ACVR1: variants seen among roughly 807,000 people sequenced by gnomAD.
ACVR1 encodes the protein activin A receptor type 1, also known as activin receptor type-1.
In ACVR1, 38 loss-of-function variants were observed where a neutral mutation model predicts 57.1. The ratio of observed to expected loss-of-function variants is 0.67; its 90% confidence interval spans 0.51 to 0.87. ACVR1 has a LOEUF of 0.87. Among genes scored for constraint, ACVR1 ranks in the 40% least tolerant of loss-of-function variants. The pLI, the probability that ACVR1 is intolerant of heterozygous loss-of-function variation, is 0.00. For missense variants in ACVR1, 463 were observed against 638.2 expected (o/e 0.73, Z 2.96); for synonymous variants, 212 against 228.1 (o/e 0.93, Z 0.63).
intron 3 of ACVR1, among the ~76,000 whole-genome samples, chr2:157,792,875 A>G (rs1686972190): frequency 1.3e-5 from 2 of 152,132 alleles, no homozygotes; most frequent in African/African-American, 2.4e-5. Context: ...TTTGAAAGCC[A>G]CCTCGCCTGT....
intron 2 of ACVR1, among the ~76,000 whole-genome samples, chr2:157,807,576 T>A (rs1047507912): frequency 2.0e-5 from 3 of 152,066 alleles, no homozygotes; most frequent in East Asian, 1.9e-4. Flanking sequence ...TTTTTTTTTT[T>A]ACCTATTGGT....
At chr2:157,842,821 T>G (rs1158072731) in intron 1 of ACVR1, among the ~76,000 whole-genome samples, 5 of 152,212 alleles carry the variant, frequency 3.3e-5, no homozygotes, top group African/African-American at 1.2e-4. Context: ...ATATTAACTC[T>G]GGGCAGGGGA....
chr2:157,865,648 C>T (rs1479706199), intron 1 of ACVR1, among the ~76,000 whole-genome samples: 8 of 151,608 alleles, frequency 5.3e-5, no homozygotes, highest in African/African-American at 1.9e-4. Context: ...AAAAATTAGC[C>T]GGGCGTGGTG....
chr2:157,763,842 G>A (rs1242382959), intron 8 of ACVR1, among the ~76,000 whole-genome samples: 1 of 152,116 alleles, frequency 6.6e-6, no homozygotes, highest in South Asian at 2.1e-4. Flanking sequence ...GTTGTTTCCT[G>A]CACTGCATTG....
At chr2:157,807,220 G>C (rs1316380129) in intron 2 of ACVR1, among the ~76,000 whole-genome samples, 3 of 152,104 alleles carry the variant, frequency 2.0e-5, no homozygotes, top group Non-Finnish European at 2.9e-5. Context: ...AGAATCAAAG[G>C]CTCCCCAGTA....
At chr2:157,787,297 T>C (rs901344691) in intron 3 of ACVR1, among the ~76,000 whole-genome samples, 6 of 152,210 alleles carry the variant, frequency 3.9e-5, no homozygotes, top group African/African-American at 1.4e-4. Context: ...ATTAAGGAGT[T>C]GTTTTAACTC....
intron 2 of ACVR1, among the ~76,000 whole-genome samples, chr2:157,800,446 A>G (rs1286871211): frequency 3.3e-5 from 5 of 151,936 alleles, no homozygotes; most frequent in Non-Finnish European, 7.4e-5. Context: ...TGGGCAACAC[A>G]GTGAGACCCC....
intron 1 of ACVR1, among the ~76,000 whole-genome samples, chr2:157,874,482 C>T (rs932690706): frequency 1.3e-5 from 2 of 152,220 alleles, no homozygotes; most frequent in African/African-American, 4.8e-5. Flanking sequence ...GCTGGCTGCC[C>T]AAGCCTGGGC....
intron 4 of ACVR1, among the ~76,000 whole-genome samples, chr2:157,778,628 G>A (rs1686388408): frequency 6.6e-6 from 1 of 152,094 alleles, no homozygotes; most frequent in South Asian, 2.1e-4. Flanking sequence ...ACAAATCTTT[G>A]ATATTACTCT....
At chr2:157,868,451 C>T (rs1385122460) in intron 1 of ACVR1, among the ~76,000 whole-genome samples, 7 of 149,982 alleles carry the variant, frequency 4.7e-5, no homozygotes, top group Admixed American at 2.0e-4. Flanking sequence ...CGCCACGGCA[C>T]TCCAGCCCAG....
chr2:157,864,756 G>A (rs1013835226), intron 1 of ACVR1, among the ~76,000 whole-genome samples: 3 of 152,070 alleles, frequency 2.0e-5, no homozygotes, highest in African/African-American at 2.4e-5. Context: ...GGTCTGTTCC[G>A]AAGTCATAAA....
At chr2:157,844,227 C>A (rs1198919711) in intron 1 of ACVR1, among the ~76,000 whole-genome samples, 2 of 152,184 alleles carry the variant, frequency 1.3e-5, no homozygotes, top group Admixed American at 1.3e-4. Context: ...GTAAAACCCA[C>A]TGGAAAGGAT....
chr2:157,758,265 T>C (rs1373134273), intron 9 of ACVR1, among the ~76,000 whole-genome samples: 1 of 152,008 alleles, frequency 6.6e-6, no homozygotes, highest in Middle Eastern at 3.2e-3. Flanking sequence ...TCCCTCAGTA[T>C]ACATGGAAGA....
At chr2:157,742,007 C>T (rs1202560759) in intron 9 of ACVR1, among the ~76,000 whole-genome samples, 1 of 152,078 alleles carries the variant, frequency 6.6e-6, no homozygotes, top group African/African-American at 2.4e-5. Flanking sequence ...ACAAACCATC[C>T]TCTGACGTTG....
intron 7 of ACVR1, among the ~76,000 whole-genome samples, chr2:157,769,143 T>C (rs954606734): frequency 6.6e-6 from 1 of 152,192 alleles, no homozygotes; most frequent in African/African-American, 2.4e-5. Flanking sequence ...GAAAGGACAG[T>C]GAGACCTAAA....
chr2:157,808,600 C>T (rs1410092821), intron 2 of ACVR1, among the ~76,000 whole-genome samples: 3 of 152,160 alleles, frequency 2.0e-5, no homozygotes, highest in Non-Finnish European at 4.4e-5. Flanking sequence ...GAAGGGATTG[C>T]TTGGATCTCT....
At chr2:157,829,529 T>G (rs1688508792) in intron 1 of ACVR1, among the ~76,000 whole-genome samples, 1 of 149,462 alleles carries the variant, frequency 6.7e-6, no homozygotes, top group African/African-American at 2.5e-5. Flanking sequence ...TGTAGATTTC[T>G]TGATTTTCAT....
intron 2 of ACVR1, among the ~76,000 whole-genome samples, chr2:157,808,350 G>A (rs533295823): frequency 4.5e-4 from 68 of 152,292 alleles, no homozygotes; most frequent in Admixed American, 7.2e-4. Context: ...TTGGTGTGGA[G>A]AGAGGAAGGT....
intron 1 of ACVR1, among the ~76,000 whole-genome samples, chr2:157,841,924 G>C (rs1014693812): frequency 2.0e-5 from 3 of 151,678 alleles, no homozygotes; most frequent in Middle Eastern, 3.4e-3. Context: ...CTACTTGGGA[G>C]GGTGAGGCAG....
Sources: allele counts gnomAD v4.1 joint callset (sites outside exome capture counted in the v4.1 genomes callset), GRCh38; gene constraint gnomAD v4.1.1; transcripts MANE v1.5; gene names NCBI Gene and HGNC (gene_info 2026-07-23, HGNC 2026-07-21).